The following SDK1 variants were observed in gnomAD, a reference collection of about 807,000 sequenced individuals.
The protein encoded by SDK1 is protein sidekick-1.
In SDK1, 157 loss-of-function variants were observed where a neutral mutation model predicts 245.5. That is an observed-to-expected ratio of 0.64 (90% CI 0.56 to 0.73). The LOEUF (loss-of-function observed/expected upper bound fraction) is 0.73. Among genes scored for constraint, SDK1 ranks in the 30% least tolerant of loss-of-function variants. The probability of loss-of-function intolerance (pLI) is 0.00; values close to 1 mark genes in which losing one functional copy is unlikely to be tolerated. For synonymous variants in SDK1, 1,647 were observed against 1,278.5 expected, an observed-to-expected ratio of 1.29 and a Z score of -6.15; for missense variants, 3,583 against 3,002.3, an observed-to-expected ratio of 1.19 and a Z score of -4.52.
At chr7:3,789,158 T>C (rs1331766624) in intron 4 of SDK1, among the ~76,000 whole-genome samples, 5 of 152,254 alleles carry the variant, frequency 3.3e-5, no homozygotes, top group African/African-American at 1.2e-4. Context: ...GTAGCTGCTT[T>C]TTTTTTTGGA....
chr7:3,973,823 G>C (rs1449897853), intron 12 of SDK1, among the ~76,000 whole-genome samples: 2 of 152,084 alleles, frequency 1.3e-5, no homozygotes, highest in Admixed American at 1.3e-4. Context: ...TTTGTATTAT[G>C]ACCAAGATTT....
intron 1 of SDK1, among the ~76,000 whole-genome samples, chr7:3,388,842 C>T (rs570514418): frequency 2.0e-5 from 3 of 152,088 alleles, no homozygotes; most frequent in Non-Finnish European, 1.5e-5. Context: ...ATGCTTGATG[C>T]TAGAGTATAC....
intron 1 of SDK1, among the ~76,000 whole-genome samples, chr7:3,552,694 G>T (rs1779455721): frequency 6.6e-6 from 1 of 152,154 alleles, no homozygotes; most frequent in Non-Finnish European, 1.5e-5. Context: ...TGAGCCATTT[G>T]TCTTAGCTGT....
chr7:3,332,497 A>G (rs979940258), intron 1 of SDK1, among the ~76,000 whole-genome samples: 3 of 152,222 alleles, frequency 2.0e-5, no homozygotes, highest in South Asian at 2.1e-4. Context: ...TAAGTCTCCT[A>G]AAGCGAAGTC....
rs962728364 is a variant in SDK1, at chr7:4,153,251, C to G, written c.4625+3788C>G. 4.3e-5 allele frequency among the ~76,000 whole-genome samples: 6 copies of G among 138,196 alleles called. No homozygotes were observed. The South Asian group carries it at 1.4e-3, about 32-fold the overall frequency. 90.7% of individuals were successfully genotyped at this position (138,196 alleles called of 152,430 possible). A position where few individuals can be genotyped will look rare whatever the true frequency, so the allele number is the denominator to read the frequency against. On this transcript the variant is annotated intron_variant, in intron 30 of 44. Coordinates refer to ENST00000404826, the MANE Select transcript of SDK1 (RefSeq NM_152744.4). ...TGACTGATTTCTTTTTTTTTTTTTT[C>G]TTTTTCCGTATAATGTAATTTTTTA...
intron 44 of SDK1, among the ~76,000 whole-genome samples, chr7:4,262,536 T>G (rs1788084803): frequency 6.6e-6 from 1 of 151,822 alleles, no homozygotes. Context: ...TTCCGTGTGT[T>G]TGAGGGGCCA....
chr7:3,584,836 G>A (rs560055358), intron 1 of SDK1, among the ~76,000 whole-genome samples: 1 of 151,816 alleles, frequency 6.6e-6, no homozygotes, highest in Non-Finnish European at 1.5e-5. Flanking sequence ...CCGTTCTGCT[G>A]CCTCAGCCTC....
chr7:3,443,996 C>T (rs1168863599), intron 1 of SDK1, among the ~76,000 whole-genome samples: 1 of 152,192 alleles, frequency 6.6e-6, no homozygotes, highest in Admixed American at 6.5e-5. Flanking sequence ...AGCACGGAAG[C>T]CTGAGAAGAA....
intron 1 of SDK1, among the ~76,000 whole-genome samples, chr7:3,461,400 A>G (rs1780827712): frequency 1.3e-5 from 2 of 152,198 alleles, no homozygotes; most frequent in African/African-American, 4.8e-5. Context: ...ATCAAATTTT[A>G]GATAACACCC....
chr7:3,421,189 A>T (rs1779525141), intron 1 of SDK1, among the ~76,000 whole-genome samples: 1 of 148,374 alleles, frequency 6.7e-6, no homozygotes, highest in Admixed American at 6.8e-5. Flanking sequence ...CTCCTGCCTG[A>T]GCCTCCTGAG....
At chr7:3,832,501 T>C (rs1779937188) in intron 5 of SDK1, among the ~76,000 whole-genome samples, 1 of 152,182 alleles carries the variant, frequency 6.6e-6, no homozygotes, top group Non-Finnish European at 1.5e-5. Context: ...CTTTACAATG[T>C]GTTTGAGAAT....
chr7:3,674,273 A>G (rs542583148), intron 4 of SDK1, among the ~76,000 whole-genome samples: 2 of 152,254 alleles, frequency 1.3e-5, no homozygotes, highest in South Asian at 2.1e-4. Context: ...GATGGAGGCA[A>G]TTTGAGAAGA....
chr7:3,830,169 G>T (rs1779879274), intron 5 of SDK1, among the ~76,000 whole-genome samples: 1 of 152,110 alleles, frequency 6.6e-6, no homozygotes, highest in South Asian at 2.1e-4. Flanking sequence ...ACTTCACCCA[G>T]GGAGTAAGGC....
At chr7:4,175,086 G>A (rs988302308) in intron 33 of SDK1, among the ~76,000 whole-genome samples, 19 of 147,710 alleles carry the variant, frequency 1.3e-4, no homozygotes, top group East Asian at 5.8e-4. Context: ...CCTACCTCAC[G>A]CGCCAATGCC....
intron 4 of SDK1, among the ~76,000 whole-genome samples, chr7:3,821,008 C>T (rs1183213459): frequency 6.6e-6 from 1 of 151,642 alleles, no homozygotes; most frequent in Non-Finnish European, 1.5e-5. Context: ...ATACACAAAG[C>T]CTCTGATGAG....
At chr7:3,869,413 C>T (rs955113041) in intron 5 of SDK1, among the ~76,000 whole-genome samples, 1 of 152,112 alleles carries the variant, frequency 6.6e-6, no homozygotes, top group Admixed American at 6.6e-5. Context: ...GCCTCGGCCT[C>T]CCAAAGTGCT....
chr7:3,621,797 C>A (rs930806468), intron 2 of SDK1, among the ~76,000 whole-genome samples: 4 of 152,132 alleles, frequency 2.6e-5, no homozygotes, highest in South Asian at 4.1e-4. Context: ...TTAAAGAATT[C>A]TTTTGATTTT....
At chr7:3,830,627 C>T (rs1779890587) in intron 5 of SDK1, among the ~76,000 whole-genome samples, 2 of 152,240 alleles carry the variant, frequency 1.3e-5, no homozygotes, top group East Asian at 1.9e-4. Flanking sequence ...TCCTGATTAG[C>T]TGGGACTGCA....
chr7:3,784,986 A>G (rs557725281), intron 4 of SDK1, among the ~76,000 whole-genome samples: 5 of 152,230 alleles, frequency 3.3e-5, no homozygotes, highest in Non-Finnish European at 7.3e-5. Flanking sequence ...GGTAAAGAAA[A>G]CGTGGTACTT....
Sources: allele counts gnomAD v4.1 joint callset (sites outside exome capture counted in the v4.1 genomes callset), GRCh38; gene constraint gnomAD v4.1.1; transcripts MANE v1.5; gene names NCBI Gene and HGNC (gene_info 2026-07-23, HGNC 2026-07-21).